AFF3: variants seen among roughly 807,000 people sequenced by gnomAD.
The protein encoded by AFF3 is ALF transcription elongation factor 3.
In AFF3, 32 loss-of-function variants were observed where a neutral mutation model predicts 129.7. The observed-to-expected ratio is 0.25, with a 90% CI of 0.19 to 0.33. The LOEUF is 0.33. Among genes scored for constraint, AFF3 ranks in the 10% least tolerant of loss-of-function variants. The pLI, the probability that AFF3 is intolerant of heterozygous loss-of-function variation, is 1.00. For missense variants in AFF3, 1,373 were observed against 1,592.0 expected (o/e 0.86, Z 2.34); for synonymous variants, 644 against 635.4 (o/e 1.01, Z -0.20).
chr2:99,843,809 C>T (rs1000426323), intron 7 of AFF3, among the ~76,000 whole-genome samples: 1 of 152,154 alleles, frequency 6.6e-6, no homozygotes, highest in Admixed American at 6.5e-5. Flanking sequence ...TTAAAAATCC[C>T]ATCCATAATT....
chr2:99,941,157 GTGGGTC>G (rs1675003886), intron 7 of AFF3, among the ~76,000 whole-genome samples: 1 of 152,172 alleles, frequency 6.6e-6, no homozygotes, highest in Non-Finnish European at 1.5e-5. Context: ...TGCCAAGAAG[GTGGGTC>G]TGACCAAGGG....
intron 18 of AFF3, among the ~76,000 whole-genome samples, chr2:99,571,129 T>C (rs1339087620): frequency 1.3e-5 from 2 of 152,156 alleles, no homozygotes; most frequent in African/African-American, 4.8e-5. Context: ...GGTAAGCAGG[T>C]CTCCCTTGAA....
In AFF3 at chr2:99,915,152, C is replaced by G. The variant is rs560171576; in HGVS notation, c.874-77628G>C. Reference sequence around the variant, plus strand: ...GCTTTTAAGTATGAAATTCTTATGTCTTAAAATTAGATTGACATAAAAAGA... The same window carrying G: ...GCTTTTAAGTATGAAATTCTTATGTGTTAAAATTAGATTGACATAAAAAGA... On this transcript the variant is annotated intron_variant, in intron 7 of 24. Coordinates refer to ENST00000672756, the MANE Select transcript of AFF3 (RefSeq NM_001386135.1). 3.0e-4 allele frequency among the ~76,000 whole-genome samples: 46 copies of G among 151,918 alleles called. No individual in the cohort carries two copies. The South Asian group carries it at 8.9e-3, about 29-fold the overall frequency.
intron 7 of AFF3, among the ~76,000 whole-genome samples, chr2:99,968,107 C>T (rs1278342936): frequency 1.3e-5 from 2 of 152,164 alleles, no homozygotes; most frequent in Non-Finnish European, 2.9e-5. Context: ...CGAGTTCCCT[C>T]ATCCTCCTCT....
intron 4 of AFF3, among the ~76,000 whole-genome samples, chr2:100,042,713 G>A (rs761385754): frequency 1.1e-4 from 17 of 152,186 alleles, no homozygotes; most frequent in Admixed American, 2.0e-4. Context: ...ATATGGAAAT[G>A]CTAATGACCT....
Position 99,928,066 on chromosome 2 carries a change from T to C in AFF3, c.873+78566A>G, listed in dbSNP as rs547240855. Among the ~76,000 whole-genome samples, 10 of 152,324 alleles carry C rather than the reference T, an allele frequency of 6.6e-5. No individual in the cohort carries two copies. In the East Asian group the frequency reaches 1.9e-3, roughly 29 times the overall value. On this transcript the variant is annotated intron_variant, in intron 7 of 24. Transcript: ENST00000672756. The stretch of plus-strand genomic sequence containing the variant: ...ACATAAGATGTGACTTGCTCCTCCT[T>C]GCCTTCCGCCATGATTGTGAGGCCT...
chr2:99,981,077 G>A (rs913368968), intron 7 of AFF3, among the ~76,000 whole-genome samples: 4 of 152,182 alleles, frequency 2.6e-5, no homozygotes, highest in African/African-American at 7.2e-5. Flanking sequence ...GTGCAATGGC[G>A]TGATCTCGGC....
chr2:99,885,545 T>A (rs1458629140), intron 7 of AFF3, among the ~76,000 whole-genome samples: 1 of 152,180 alleles, frequency 6.6e-6, no homozygotes, highest in Admixed American at 6.5e-5. Flanking sequence ...GAATCATGAG[T>A]CTCAGAGATA....
chr2:99,789,417 G>C (rs541874868), intron 8 of AFF3, among the ~76,000 whole-genome samples: 87 of 114,104 alleles, frequency 7.6e-4, no homozygotes, highest in African/African-American at 2.9e-3. Flanking sequence ...CTGCACTTCA[G>C]ACTAGGTAAC....
intron 8 of AFF3, among the ~76,000 whole-genome samples, chr2:99,826,957 G>C (rs1336668462): frequency 6.6e-6 from 1 of 152,054 alleles, no homozygotes; most frequent in Non-Finnish European, 1.5e-5. Flanking sequence ...TGGACCCACC[G>C]GAGGGAGACA....
intron 7 of AFF3, among the ~76,000 whole-genome samples, chr2:99,952,576 C>G (rs1676265841): frequency 6.6e-6 from 1 of 152,086 alleles, no homozygotes; most frequent in South Asian, 2.1e-4. Context: ...GACTGCCAGT[C>G]CTGTGTGTTA....
intron 4 of AFF3, among the ~76,000 whole-genome samples, chr2:100,043,798 C>T (rs1390260176): frequency 1.3e-5 from 2 of 152,142 alleles, no homozygotes; most frequent in Non-Finnish European, 2.9e-5. Flanking sequence ...CATGACCTGG[C>T]TTGAAATAAT....
chr2:100,007,014 T>C lies in AFF3; in HGVS notation c.491A>G (p.Gln164Arg). Reference sequence around the variant, plus strand: ...AAGCAAGGTCCTGAGAGAGCCCTGTTGTGCTGAGTTGGAAGAAGAAGAAGA... The same window carrying C: ...AAGCAAGGTCCTGAGAGAGCCCTGTCGTGCTGAGTTGGAAGAAGAAGAAGA... ...PPSDGQQRAT[Q>R]QGSLRTLLGD... The change falls in exon 7 of 25, where the codon CAA (glutamine) becomes CGA (arginine). Residue 164 changes from glutamine (Q) to arginine (R), a missense_variant. By Grantham distance (43) the Gln-to-Arg change is conservative (BLOSUM62 1). Transcript: ENST00000672756. 6.2e-7 allele frequency: 1 copy of C among 1,604,756 alleles called. No homozygotes were observed. Among genetic ancestry groups the C allele is most frequent in the South Asian group, 1.1e-5 (1 of 90,290 alleles).
chr2:99,910,201 C>T (rs953951437), intron 7 of AFF3, among the ~76,000 whole-genome samples: 3 of 152,154 alleles, frequency 2.0e-5, no homozygotes, highest in African/African-American at 7.2e-5. Flanking sequence ...AGGAGAAAAG[C>T]ACTCTTAATA....
chr2:99,942,604 T>C (rs1353769271), intron 7 of AFF3, among the ~76,000 whole-genome samples: 1 of 151,714 alleles, frequency 6.6e-6, no homozygotes, highest in African/African-American at 2.4e-5. Flanking sequence ...AAGAACATTT[T>C]TGGCAGAAGG....
chr2:99,546,528 A>T lies in AFF3; in HGVS notation c.*4946T>A. ...ACAAAGGATATTTGAATCTAAGGAC[A>T]TGGGCTGGATCAGGTGAAGGGATGG... is the stretch of plus-strand genomic sequence containing the variant. On this transcript the variant is annotated 3_prime_UTR_variant, in exon 25 of 25. Transcript: ENST00000672756. The T allele has an allele frequency of 4.3e-6, 1 of 232,816 alleles. No homozygotes were observed. The highest frequency in any genetic ancestry group is 8.5e-6 in the Non-Finnish European group (1 of 117,790). 14.4% of individuals were successfully genotyped at this position (232,816 alleles called of 1,614,324 possible). A position where few individuals can be genotyped will look rare whatever the true frequency, so the allele number is the denominator to read the frequency against.
chr2:100,029,736 A>G (rs1354718480), intron 4 of AFF3, among the ~76,000 whole-genome samples: 3 of 152,212 alleles, frequency 2.0e-5, no homozygotes, highest in Non-Finnish European at 4.4e-5. Context: ...GTTGCACAAC[A>G]ATATGAATGT....
At chr2:100,094,354 G>A (rs1690111386) in intron 4 of AFF3, among the ~76,000 whole-genome samples, 1 of 152,000 alleles carries the variant, frequency 6.6e-6, no homozygotes, top group Admixed American at 6.6e-5. Context: ...GGGGGTGATG[G>A]GAGACAGTTA....
chr2:99,840,488 G>T (rs1412347663), intron 7 of AFF3, among the ~76,000 whole-genome samples: 1 of 152,184 alleles, frequency 6.6e-6, no homozygotes, highest in South Asian at 2.1e-4. Context: ...TACTAGTAGT[G>T]CATGAAGACA....
Sources: gnomAD v4.1 joint callset for allele counts (sites outside exome capture counted in the v4.1 genomes callset) on GRCh38, gnomAD v4.1.1 for gene constraint, MANE v1.5 for transcripts, NCBI Gene and HGNC (gene_info 2026-07-23, HGNC 2026-07-21) for gene names.